Variants in NKAIN3 observed in about 807,000 individuals in gnomAD.
NKAIN3 encodes the protein sodium/potassium transporting ATPase interacting 3.
In NKAIN3, 25 loss-of-function variants were observed where a neutral mutation model predicts 30.2. That is an observed-to-expected ratio of 0.83 (90% confidence interval 0.60 to 1.16). The LOEUF (loss-of-function observed/expected upper bound fraction) is 1.16. Ranked by LOEUF, NKAIN3 falls within the 50% of genes most tolerant of loss-of-function variation. The pLI is 0.00. For synonymous variants in NKAIN3, 91 were observed against 89.6 expected (o/e 1.02, Z -0.09); for missense variants, 225 against 254.1 (o/e 0.89, Z 0.78).
intron 1 of NKAIN3, among the ~76,000 whole-genome samples, chr8:62,549,945 T>A (rs1809142828): frequency 6.7e-6 from 1 of 148,360 alleles, no homozygotes; most frequent in Non-Finnish European, 1.5e-5. Flanking sequence ...GCCTACTAGA[T>A]CACTGGACAT....
intron 4 of NKAIN3, among the ~76,000 whole-genome samples, chr8:62,890,597 T>C (rs1417443363): frequency 1.3e-5 from 2 of 152,190 alleles, no homozygotes; most frequent in African/African-American, 4.8e-5. Context: ...GTATGAAATG[T>C]ATATAAACAA....
At chr8:62,754,219 T>C (rs1431283595) in intron 4 of NKAIN3, among the ~76,000 whole-genome samples, 2 of 152,152 alleles carry the variant, frequency 1.3e-5, no homozygotes, top group African/African-American at 4.8e-5. Flanking sequence ...TCATAAATCT[T>C]AGTTACTATA....
At chr8:62,456,505 C>T (rs369856648) in intron 1 of NKAIN3, among the ~76,000 whole-genome samples, 271 of 149,522 alleles carry the variant, frequency 1.8e-3, no homozygotes, top group African/African-American at 6.1e-3. Flanking sequence ...GGCGACAGAG[C>T]GAGACTCCGT....
chr8:62,685,019 T>A (rs1813754078), intron 3 of NKAIN3, among the ~76,000 whole-genome samples: 2 of 152,278 alleles, frequency 1.3e-5, no homozygotes, highest in Admixed American at 1.3e-4. Context: ...ACTCGCATAG[T>A]CAGGAAGGCA....
chr8:62,550,051 G>A (rs1182204096), intron 1 of NKAIN3, among the ~76,000 whole-genome samples: 1 of 151,632 alleles, frequency 6.6e-6, no homozygotes, highest in Admixed American at 6.6e-5. Context: ...TGGAGACCAA[G>A]TTATTAGAAA....
chr8:62,756,801 T>C (rs1816467252), intron 4 of NKAIN3, among the ~76,000 whole-genome samples: 1 of 152,222 alleles, frequency 6.6e-6, no homozygotes, highest in African/African-American at 2.4e-5. Flanking sequence ...ATATGATTAG[T>C]ATTTTTTCTA....
intron 1 of NKAIN3, among the ~76,000 whole-genome samples, chr8:62,314,902 C>T (rs926999104): frequency 6.6e-6 from 1 of 152,078 alleles, no homozygotes; most frequent in African/African-American, 2.4e-5. Context: ...TGAAGAAAAA[C>T]TGATTCAGGA....
chr8:62,388,778 G>C lies in NKAIN3; in HGVS notation c.54+139651G>C, dbSNP rs556295283. Among the ~76,000 whole-genome samples the C allele has an allele frequency of 1.2e-4, 19 of 152,258 alleles. No individual in the cohort carries two copies. The South Asian group carries it at 3.9e-3, about 32-fold the overall frequency. Reference sequence around the variant, plus strand: ...GGCTCTGGTTGCTGTCGGGTCTCTGGGATTTCCATTCTGCCATGCGTGCTG... The same window carrying C: ...GGCTCTGGTTGCTGTCGGGTCTCTGCGATTTCCATTCTGCCATGCGTGCTG... On this transcript the variant is annotated intron_variant, in intron 1 of 6. Transcript: ENST00000623646.
chr8:62,968,477 T>C lies in NKAIN3; in HGVS notation c.*3070T>C, dbSNP rs188780519. On this transcript the variant is annotated 3_prime_UTR_variant, in exon 7 of 7. Coordinates refer to ENST00000623646, the MANE Select transcript of NKAIN3 (RefSeq NM_001304533.3). ...GCTTCTCCATATGCAATTGTGTGTC[T>C]GGTCAGAGTAAGGGAAAATGAATGC... Among the ~76,000 whole-genome samples, 8 of 152,310 alleles carry C rather than the reference T, an allele frequency of 5.3e-5. No individual in the cohort carries two copies. In the East Asian group the frequency reaches 1.5e-3, roughly 29 times the overall value.
intron 5 of NKAIN3, among the ~76,000 whole-genome samples, chr8:62,934,955 G>A (rs1034499267): frequency 2.0e-5 from 3 of 152,110 alleles, no homozygotes; most frequent in Admixed American, 2.0e-4. Flanking sequence ...CTGGAGAGGG[G>A]GAAGGAGAGC....
chr8:62,400,158 A>ATT (rs1817889346), intron 1 of NKAIN3, among the ~76,000 whole-genome samples: 1 of 130,610 alleles, frequency 7.7e-6, no homozygotes, highest in Non-Finnish European at 1.6e-5. Context: ...TAGATGCTAT[A>ATT]TTTTCTTTTT....
intron 4 of NKAIN3, among the ~76,000 whole-genome samples, chr8:62,807,362 A>G (rs1332159792): frequency 2.0e-5 from 3 of 152,046 alleles, no homozygotes; most frequent in African/African-American, 4.8e-5. Flanking sequence ...ATTAATGTAT[A>G]TGGAATTACA....
intron 1 of NKAIN3, among the ~76,000 whole-genome samples, chr8:62,360,284 A>C (rs1193696282): frequency 6.6e-6 from 1 of 152,194 alleles, no homozygotes; most frequent in Non-Finnish European, 1.5e-5. Context: ...TTGTGTCTAA[A>C]TCCCTGATTA....
At chr8:62,254,549 C>CA (rs1305394698) in intron 1 of NKAIN3, among the ~76,000 whole-genome samples, 2 of 151,598 alleles carry the variant, frequency 1.3e-5, no homozygotes, top group Non-Finnish European at 2.9e-5. Context: ...AAACAAAACA[C>CA]AAAAAACATA....
At chr8:62,900,694 T>G (rs1821588024) in intron 4 of NKAIN3, among the ~76,000 whole-genome samples, 1 of 152,140 alleles carries the variant, frequency 6.6e-6, no homozygotes, top group Admixed American at 6.6e-5. Context: ...ATTATCTTGA[T>G]AATCTTCACA....
At chr8:62,527,882 G>GTGTGTGT (rs368290547) in intron 1 of NKAIN3, among the ~76,000 whole-genome samples, 5 of 143,690 alleles carry the variant, frequency 3.5e-5, no homozygotes, top group Non-Finnish European at 6.1e-5. Context: ...ACTTTTTTTT[G>GTGTGTGT]GTGTGTGTGT....
At chr8:62,454,822 T>C (rs1805763605) in intron 1 of NKAIN3, among the ~76,000 whole-genome samples, 1 of 152,076 alleles carries the variant, frequency 6.6e-6, no homozygotes, top group Admixed American at 6.5e-5. Context: ...TCCATGAAAA[T>C]ATCAAATTGA....
At chr8:62,317,240 T>C (rs900894977) in intron 1 of NKAIN3, among the ~76,000 whole-genome samples, 2 of 152,226 alleles carry the variant, frequency 1.3e-5, no homozygotes, top group East Asian at 1.9e-4. Flanking sequence ...TTCACTCTTA[T>C]AGTAGTTTCT....
At chr8:62,424,591 A>T (rs991988754) in intron 1 of NKAIN3, among the ~76,000 whole-genome samples, 28 of 151,724 alleles carry the variant, frequency 1.8e-4, no homozygotes, top group Non-Finnish European at 3.8e-4. Context: ...ACCAAAATTA[A>T]AACAAAAAAT....
Sources: gnomAD v4.1 joint callset for allele counts (sites outside exome capture counted in the v4.1 genomes callset) on GRCh38, gnomAD v4.1.1 for gene constraint, MANE v1.5 for transcripts, NCBI Gene and HGNC (gene_info 2026-07-23, HGNC 2026-07-21) for gene names.